Variants in GNA11 observed in about 807,000 individuals in gnomAD.
The protein encoded by GNA11 is guanine nucleotide-binding protein subunit alpha-11.
Under a neutral mutation model 38.2 loss-of-function variants are expected in GNA11, and 8 were observed. The ratio of observed to expected loss-of-function variants is 0.21; its 90% CI spans 0.12 to 0.38. GNA11 has a LOEUF of 0.38. Ranked by LOEUF, GNA11 falls within the 10% of genes least tolerant of loss-of-function variation. The pLI, the probability that GNA11 is intolerant of heterozygous loss-of-function variation, is 1.00. For synonymous variants in GNA11, 211 were observed against 221.4 expected, an observed-to-expected ratio of 0.95 and a Z score of 0.42; for missense variants, 268 against 516.3, an observed-to-expected ratio of 0.52 and a Z score of 4.66.
intron 4 of GNA11, 70 bp from the exon 5 acceptor site, chr19:3,118,854 A>G (rs1599307427): frequency 1.7e-5 from 24 of 1,453,420 alleles, no homozygotes; most frequent in East Asian, 9.2e-5. Context: ...CTTGGGTGGG[A>G]GCCGTCCTGG....
In GNA11 at chr19:3,094,753, C is replaced by G. The variant is rs1913319256; in HGVS notation, c.102C>G (p.Arg34=). The part of the protein sequence containing the change: ...EIEKQLRRDK[R]DARRELKLLL... Reference sequence around the variant, plus strand: ...AGAAGCAGCTGCGGCGGGACAAGCGCGACGCCCGGCGCGAGCTCAAGCTGC... The same window carrying G: ...AGAAGCAGCTGCGGCGGGACAAGCGGGACGCCCGGCGCGAGCTCAAGCTGC... The change falls in exon 1 of 7, where the codon CGC becomes CGG. Residue 34 remains arginine (R), a synonymous_variant. Coordinates refer to ENST00000078429, the MANE Select transcript of GNA11 (RefSeq NM_002067.5). This position sits in a 1 kb window ranked among gnomAD's most constrained non-coding sequence, Gnocchi z 6.0. The G allele has an allele frequency of 6.3e-7, 1 of 1,588,480 alleles. No individual in the cohort carries two copies. The highest frequency in any genetic ancestry group is 8.5e-7 in the Non-Finnish European group (1 of 1,169,654).
At chr19:3,097,872 C>T (rs82164) in intron 1 of GNA11, among the ~76,000 whole-genome samples, 52,508 of 152,128 alleles carry the variant, frequency 0.35, 10,138 homozygotes, top group Non-Finnish European at 0.45. Context: ...GAGCAGTGTC[C>T]GAGGCCTCCA....
intron 1 of GNA11, among the ~76,000 whole-genome samples, chr19:3,105,389 A>G: frequency 1.3e-5 from 1 of 79,936 alleles, no homozygotes; most frequent in Non-Finnish European, 2.3e-5. Context: ...GGTTCTGTGG[A>G]TTTGGGGGGT....
intron 1 of GNA11, among the ~76,000 whole-genome samples, chr19:3,103,519 C>CTTTTTTTT (rs760497682): frequency 0.047 from 2,156 of 45,814 alleles, 573 homozygotes; most frequent in Middle Eastern, 0.11. Flanking sequence ...GGCCTTGAAT[C>CTTTTTTTT]TTTTTTTTTT....
intron 1 of GNA11, among the ~76,000 whole-genome samples, chr19:3,105,763 G>A (rs1913625559): frequency 6.6e-6 from 1 of 152,310 alleles, no homozygotes; most frequent in South Asian, 2.1e-4. Context: ...TCTGTGCGTG[G>A]GGTCTTTGCA....
Position 3,107,084 on chromosome 19 carries a change from A to G in GNA11, c.137-3065A>G, listed in dbSNP as rs1305023085. 2.0e-5 allele frequency among the ~76,000 whole-genome samples: 3 copies of G among 152,168 alleles called. 1 individual carries two copies. Among genetic ancestry groups the G allele is most frequent in the Admixed American group, 1.3e-4 (2 of 15,278 alleles). ...AAACACCATCTCTACTAAAAATACA[A>G]AATTAGCCAGGCGTGGTGGCGCATG... On this transcript the variant is annotated intron_variant, in intron 1 of 6. Transcript: ENST00000078429.
In GNA11 at chr19:3,119,780, C is replaced by T. The variant is rs994803736; in HGVS notation, c.889+421C>T. Among the ~76,000 whole-genome samples the T allele has an allele frequency of 5.9e-5, 9 of 151,804 alleles. No homozygotes were observed. Among genetic ancestry groups the T allele is most frequent in the South Asian group, 2.1e-4 (1 of 4,818 alleles). The stretch of plus-strand genomic sequence containing the variant: ...GTGATCCCATATGGGAGGGGTCTCA[C>T]AGGAAGGGTTCACGCACACTGCCAG... On this transcript the variant is annotated intron_variant, in intron 6 of 6. Coordinates refer to ENST00000078429, the MANE Select transcript of GNA11 (RefSeq NM_002067.5). The surrounding 1 kb of genome is among the most constrained non-coding windows in gnomAD (Gnocchi z 4.6).
intron 1 of GNA11, among the ~76,000 whole-genome samples, chr19:3,109,420 T>C (rs1021478437): frequency 6.6e-6 from 1 of 152,134 alleles, no homozygotes; most frequent in African/African-American, 2.4e-5. Flanking sequence ...GGACCATCAG[T>C]GTGCCCATCT....
intron 1 of GNA11, among the ~76,000 whole-genome samples, chr19:3,106,754 G>T (rs1321794433): frequency 6.6e-6 from 1 of 152,238 alleles, no homozygotes; most frequent in Non-Finnish European, 1.5e-5. Context: ...ATGCATACAT[G>T]TATGTGTGGG....
chr19:3,104,730 C>T (rs1272374125), intron 1 of GNA11, among the ~76,000 whole-genome samples: 1 of 152,112 alleles, frequency 6.6e-6, no homozygotes, highest in Non-Finnish European at 1.5e-5. Flanking sequence ...CAGCCACAGC[C>T]CCTGCGCTCA....
chr19:3,121,013 C>T lies in GNA11; in HGVS notation c.914C>T (p.Ala305Val), dbSNP rs2145328824. The T allele has an allele frequency of 1.9e-6, 3 of 1,613,256 alleles. No homozygotes were observed. The highest frequency in any genetic ancestry group is 1.3e-5 in the African/African-American group (1 of 75,002). ...FDGPQRDAQA[A>V]REFILKMFVD... ...GGTCCCCAGCGGGACGCCCAGGCGGCGCGGGAGTTCATCCTGAAGATGTTC... is the reference window on the plus strand; with the variant it reads ...GGTCCCCAGCGGGACGCCCAGGCGGTGCGGGAGTTCATCCTGAAGATGTTC... The change falls in exon 7 of 7, where the codon GCG becomes GTG. Residue 305 changes from alanine (A) to valine (V), a missense_variant. By Grantham distance (64) the Ala-to-Val change is moderately conservative (BLOSUM62 0). Coordinates refer to ENST00000078429, the MANE Select transcript of GNA11 (RefSeq NM_002067.5).
In GNA11 at chr19:3,119,473, A is replaced by T. The variant is rs1914012839; in HGVS notation, c.889+114A>T. 1 of 873,028 alleles carries T rather than the reference A, an allele frequency of 1.1e-6. No individual in the cohort carries two copies. Among genetic ancestry groups the T allele is most frequent in the African/African-American group, 1.8e-5 (1 of 56,082 alleles). 54.1% of individuals were successfully genotyped at this position (873,028 alleles called of 1,614,324 possible). On this transcript the variant is annotated intron_variant, in intron 6 of 6. Transcript: ENST00000078429. The surrounding 1 kb of genome is among the most constrained non-coding windows in gnomAD (Gnocchi z 4.6). ...CGGGAGCTCTAAGGGAGGGCGTCTG[A>T]TGGGAGGTGTCATGTATGGGAGTGG... is the stretch of plus-strand genomic sequence containing the variant.
rs151262031 is a variant in GNA11 at position 3,099,890 on chromosome 19, C to A, written c.136+5103C>A. Reference sequence around the variant, plus strand: ...GGCCTGGGGAGACTCAGGTTCAGAGCCTACCTCTGCCTCTTGTAACTGTGG... The same window carrying A: ...GGCCTGGGGAGACTCAGGTTCAGAGACTACCTCTGCCTCTTGTAACTGTGG... On this transcript the variant is annotated intron_variant, in intron 1 of 6. Coordinates refer to ENST00000078429, the MANE Select transcript of GNA11 (RefSeq NM_002067.5). Among the ~76,000 whole-genome samples the A allele has an allele frequency of 2.7e-3, 409 of 152,236 alleles. 1 individual carries two copies. Among genetic ancestry groups the A allele is most frequent in the African/African-American group, 9.4e-3 (391 of 41,536 alleles).
intron 1 of GNA11, among the ~76,000 whole-genome samples, chr19:3,102,205 G>A (rs1444324556): frequency 6.6e-6 from 1 of 152,204 alleles, no homozygotes; most frequent in Non-Finnish European, 1.5e-5. Flanking sequence ...TCCCACTTGG[G>A]AGCCAGTCTG....
intron 1 of GNA11, among the ~76,000 whole-genome samples, chr19:3,097,657 G>A (rs951398310): frequency 2.0e-5 from 3 of 152,232 alleles, no homozygotes; most frequent in Non-Finnish European, 2.9e-5. Flanking sequence ...TCCGTGCCCC[G>A]TTTTCGGGGT....
chr19:3,116,659 C>G (rs948728610), intron 4 of GNA11, among the ~76,000 whole-genome samples: 12 of 152,330 alleles, frequency 7.9e-5, no homozygotes, highest in African/African-American at 2.9e-4. Flanking sequence ...CAGAGCCGTC[C>G]CCGGGTTCTG....
chr19:3,102,044 C>T (rs142491916), intron 1 of GNA11, among the ~76,000 whole-genome samples: 165 of 151,958 alleles, frequency 1.1e-3, no homozygotes, highest in African/African-American at 3.5e-3. Flanking sequence ...TGCAGTGAGC[C>T]GAGATTGCAC....
intron 1 of GNA11, among the ~76,000 whole-genome samples, chr19:3,103,446 C>T (rs1301787981): frequency 6.7e-6 from 1 of 150,240 alleles, no homozygotes; most frequent in Non-Finnish European, 1.5e-5. Context: ...CTTCTGACCT[C>T]AGGTGATCCG....
At position 3,120,728 on chromosome 19, in the gene GNA11, G is replaced by A. The variant is rs1914050178; in HGVS notation, c.890-261G>A. Among the ~76,000 whole-genome samples, 1 of 152,146 alleles carries A rather than the reference G, an allele frequency of 6.6e-6. No homozygotes were observed. The highest frequency in any genetic ancestry group is 1.5e-5 in the Non-Finnish European group (1 of 68,010). On this transcript the variant is annotated intron_variant, in intron 6 of 6. Coordinates refer to ENST00000078429, the MANE Select transcript of GNA11 (RefSeq NM_002067.5). The surrounding 1 kb of genome is among the most constrained non-coding windows in gnomAD (Gnocchi z 5.9). Reference sequence around the variant, plus strand: ...ATAGAGGCCGGCAGAGGGCTGAGCAGAGGGAGCAGCGGTGGGTGCAGAGCC... The same window carrying A: ...ATAGAGGCCGGCAGAGGGCTGAGCAAAGGGAGCAGCGGTGGGTGCAGAGCC...
Sources: gnomAD v4.1 joint callset for allele counts (sites outside exome capture counted in the v4.1 genomes callset) on GRCh38, gnomAD v4.1.1 for gene constraint, Gnocchi (gnomAD v3.1) non-coding constraint, MANE v1.5 for transcripts, NCBI Gene and HGNC (gene_info 2026-07-23, HGNC 2026-07-21) for gene names.